CACNA2D3: variants seen among roughly 807,000 people sequenced by gnomAD.
CACNA2D3 encodes the protein voltage-dependent calcium channel subunit alpha-2/delta-3.
Under a neutral mutation model 160.6 loss-of-function variants are expected in CACNA2D3, and 60 were observed. The observed-to-expected ratio is 0.37, with a 90% confidence interval of 0.30 to 0.46. The LOEUF (loss-of-function observed/expected upper bound fraction) is 0.46. Among genes scored for constraint, CACNA2D3 ranks in the 20% least tolerant of loss-of-function variants. The pLI is 1.00. For missense variants in CACNA2D3, 1,205 were observed against 1,365.0 expected, an observed-to-expected ratio of 0.88 and a Z score of 1.85; for synonymous variants, 558 against 492.9, an observed-to-expected ratio of 1.13 and a Z score of -1.75.
chr3:55,023,964 A>G (rs1488505263), intron 35 of CACNA2D3, among the ~76,000 whole-genome samples: 6 of 141,818 alleles, frequency 4.2e-5, no homozygotes, highest in Non-Finnish European at 9.1e-5. Context: ...TTTGTATTTA[A>G]ACATGTTTGT....
intron 2 of CACNA2D3, 103 bp downstream of exon 2, chr3:54,123,697 T>C (rs1385112176): frequency 1.1e-6 from 1 of 906,882 alleles, no homozygotes; most frequent in Non-Finnish European, 1.9e-6. Flanking sequence ...GCATCAGTTA[T>C]CGGAGGACTC....
In CACNA2D3 at chr3:54,285,109, C is replaced by T. The variant is rs368978527; in HGVS notation, c.205-35333C>T. On this transcript the variant is annotated intron_variant, in intron 2 of 37. Coordinates refer to ENST00000474759, the MANE Select transcript of CACNA2D3 (RefSeq NM_018398.3). ...AGGACAGTGGGTGCAGCGCACCGTG[C>T]GCGAGCCGAAGCAGGACGAGGCATT... Among the ~76,000 whole-genome samples the T allele has an allele frequency of 7.2e-5, 11 of 152,272 alleles. No individual in the cohort carries two copies. The South Asian group carries it at 8.3e-4, about 11-fold the overall frequency.
intron 4 of CACNA2D3, among the ~76,000 whole-genome samples, chr3:54,493,059 A>AATTT (rs1701137597): frequency 8.9e-6 from 1 of 112,850 alleles, no homozygotes; most frequent in African/African-American, 3.6e-5. Context: ...ATTGCTCAAA[A>AATTT]CTTTTTTTTT....
chr3:54,706,655 T>C (rs1453023492), intron 11 of CACNA2D3, among the ~76,000 whole-genome samples: 4 of 152,210 alleles, frequency 2.6e-5, no homozygotes, highest in Non-Finnish European at 5.9e-5. Context: ...TCTTCAAAAA[T>C]GATCTTGTAA....
intron 3 of CACNA2D3, among the ~76,000 whole-genome samples, chr3:54,322,727 C>T (rs2107510071): frequency 6.6e-6 from 1 of 152,158 alleles, no homozygotes; most frequent in African/African-American, 2.4e-5. Flanking sequence ...CTTTAGGAAA[C>T]ACCTGGATGA....
intron 4 of CACNA2D3, among the ~76,000 whole-genome samples, chr3:54,443,292 C>T (rs1234547177): frequency 1.4e-5 from 2 of 146,274 alleles, no homozygotes; most frequent in Non-Finnish European, 3.0e-5. Flanking sequence ...TTGCCTTTTC[C>T]TGTGGTTGTT....
chr3:54,486,496 A>G (rs1701017249), intron 4 of CACNA2D3, among the ~76,000 whole-genome samples: 1 of 152,204 alleles, frequency 6.6e-6, no homozygotes, highest in Non-Finnish European at 1.5e-5. Flanking sequence ...GTATTGACTC[A>G]CTAATCTAGG....
At chr3:54,694,466 C>T (rs1213661576) in intron 11 of CACNA2D3, among the ~76,000 whole-genome samples, 2 of 152,162 alleles carry the variant, frequency 1.3e-5, no homozygotes, top group Non-Finnish European at 2.9e-5. Flanking sequence ...ATAGAAAATA[C>T]TATACACACT....
rs200041206 is a variant in CACNA2D3 at position 54,990,703 on chromosome 3, GC to G, written c.2690+2951del. On this transcript the variant is annotated intron_variant, in intron 31 of 37. Transcript: ENST00000474759. ...CCTCTCTCCAGGGAAGCAAGGTGATGCTTGTCTGGGTGACAGCAGACCTCTC... is the reference window on the plus strand; with the variant it reads ...CCTCTCTCCAGGGAAGCAAGGTGATGTTGTCTGGGTGACAGCAGACCTCTC... Among the ~76,000 whole-genome samples the G allele has an allele frequency of 3.0e-3, 452 of 152,258 alleles. 1 individual carries two copies. The highest frequency in any genetic ancestry group is 0.01 in the African/African-American group (434 of 41,548).
At chr3:54,309,986 C>G (rs1703700857) in intron 2 of CACNA2D3, among the ~76,000 whole-genome samples, 1 of 151,934 alleles carries the variant, frequency 6.6e-6, no homozygotes, top group Non-Finnish European at 1.5e-5. Flanking sequence ...CTAAAACAGT[C>G]TTTTGTTCAG....
chr3:55,009,582 G>A lies in CACNA2D3; in HGVS notation c.2875+139G>A, dbSNP rs999370494. The A allele has an allele frequency of 2.2e-5, 17 of 777,666 alleles. No individual in the cohort carries two copies. The African/African-American group carries it at 2.4e-4, about 11-fold the overall frequency. The allele number at this position is 777,666 out of a possible 1,614,324, so 48.2% of individuals were successfully genotyped here. On this transcript the variant is annotated intron_variant, in intron 34 of 37. Transcript: ENST00000474759. ...GATTTTTCAGCTCTGTCAGCAAAAAGCCAGCCTTTGTGCTAAGTGCTGTGC... is the reference window on the plus strand; with the variant it reads ...GATTTTTCAGCTCTGTCAGCAAAAAACCAGCCTTTGTGCTAAGTGCTGTGC...
intron 23 of CACNA2D3, among the ~76,000 whole-genome samples, chr3:54,886,172 G>C (rs1699921345): frequency 4.5e-5 from 1 of 22,244 alleles, no homozygotes; most frequent in Admixed American, 5.4e-4. Context: ...CTCACAGTTT[G>C]GGCAGGGGAG....
At chr3:54,429,446 G>A (rs541675341) in intron 4 of CACNA2D3, among the ~76,000 whole-genome samples, 1 of 152,076 alleles carries the variant, frequency 6.6e-6, no homozygotes, top group Admixed American at 6.6e-5. Flanking sequence ...ACCTGATTTG[G>A]GGAGGAGGGA....
At chr3:54,930,701 A>G (rs1035716858) in intron 27 of CACNA2D3, among the ~76,000 whole-genome samples, 1 of 152,238 alleles carries the variant, frequency 6.6e-6, no homozygotes, top group Non-Finnish European at 1.5e-5. Flanking sequence ...GAGCATCAGC[A>G]TTCTATCTGT....
chr3:54,764,885 TA>T, intron 13 of CACNA2D3, among the ~76,000 whole-genome samples: 1 of 152,190 alleles, frequency 6.6e-6, no homozygotes, highest in Non-Finnish European at 1.5e-5. Context: ...GGGCCCATTC[TA>T]AAGCCGAATT....
chr3:54,392,544 C>T (rs916001548), intron 4 of CACNA2D3, among the ~76,000 whole-genome samples: 5 of 152,142 alleles, frequency 3.3e-5, no homozygotes, highest in African/African-American at 1.2e-4. Context: ...AGTGTGGTGA[C>T]ATTCAGAGGG....
At chr3:54,735,799 A>AT (rs1034139216) in intron 11 of CACNA2D3, among the ~76,000 whole-genome samples, 1 of 151,436 alleles carries the variant, frequency 6.6e-6, no homozygotes, top group South Asian at 2.1e-4. Context: ...ATTGAGTGGA[A>AT]TTTTTTTCTT....
At chr3:54,409,021 G>T (rs1259515368) in intron 4 of CACNA2D3, among the ~76,000 whole-genome samples, 1 of 152,156 alleles carries the variant, frequency 6.6e-6, no homozygotes, top group Non-Finnish European at 1.5e-5. Context: ...TGATTGTTCT[G>T]CAACCTTTAT....
chr3:54,979,142 C>T (rs1416671966), intron 29 of CACNA2D3, among the ~76,000 whole-genome samples: 1 of 152,184 alleles, frequency 6.6e-6, no homozygotes, highest in Non-Finnish European at 1.5e-5. Flanking sequence ...GTAAATTCTT[C>T]TCCTCTTGAG....
Sources: allele counts gnomAD v4.1 joint callset (sites outside exome capture counted in the v4.1 genomes callset), GRCh38; gene constraint gnomAD v4.1.1; transcripts MANE v1.5; gene names NCBI Gene and HGNC (gene_info 2026-07-23, HGNC 2026-07-21).